The following CNTN5 variants were observed in gnomAD, a reference collection of about 807,000 sequenced individuals.
The protein encoded by CNTN5 is contactin 5, also known as contactin-5.
A neutral mutation model predicts 129.1 loss-of-function variants in CNTN5; 77 were observed. The observed-to-expected ratio is 0.60, with a 90% CI of 0.50 to 0.72. The LOEUF (loss-of-function observed/expected upper bound fraction) is 0.72. Ranked by LOEUF, CNTN5 falls within the 30% of genes least tolerant of loss-of-function variation. The pLI is 0.00. For synonymous variants in CNTN5, 509 were observed against 465.6 expected (o/e 1.09, Z -1.20); for missense variants, 1,478 against 1,328.8 (o/e 1.11, Z -1.75).
At chr11:99,843,081 A>C (rs1947567125) in intron 4 of CNTN5, among the ~76,000 whole-genome samples, 1 of 152,172 alleles carries the variant, frequency 6.6e-6, no homozygotes, top group Non-Finnish European at 1.5e-5. Flanking sequence ...AAATACAAAA[A>C]TTAGCTAGGC....
intron 3 of CNTN5, among the ~76,000 whole-genome samples, chr11:99,758,717 A>G (rs974583385): frequency 6.6e-6 from 1 of 152,082 alleles, no homozygotes; most frequent in Non-Finnish European, 1.5e-5. Context: ...AGCAGTAGAA[A>G]GTATATTGGG....
At chr11:99,479,861 A>G (rs1189435024) in intron 2 of CNTN5, among the ~76,000 whole-genome samples, 4 of 151,792 alleles carry the variant, frequency 2.6e-5, no homozygotes, top group African/African-American at 9.7e-5. Context: ...TGACACATTT[A>G]ATTTTCACAG....
At chr11:99,492,903 T>A (rs1044866585) in intron 2 of CNTN5, among the ~76,000 whole-genome samples, 2 of 152,218 alleles carry the variant, frequency 1.3e-5, no homozygotes, top group African/African-American at 2.4e-5. Context: ...CTTCTTGGCA[T>A]CTTTATGTCT....
chr11:99,748,733 AAG>A (rs1944139467), intron 3 of CNTN5, among the ~76,000 whole-genome samples: 1 of 152,176 alleles, frequency 6.6e-6, no homozygotes, highest in African/African-American at 2.4e-5. Flanking sequence ...CTAGCTCCAG[AAG>A]AAAGACTGAG....
At chr11:99,370,951 G>A (rs950375401) in intron 2 of CNTN5, among the ~76,000 whole-genome samples, 3 of 152,152 alleles carry the variant, frequency 2.0e-5, no homozygotes, top group East Asian at 1.9e-4. Context: ...CAGGGTATTC[G>A]TGGCACTTGA....
At chr11:99,402,595 A>G (rs1187759714) in intron 2 of CNTN5, among the ~76,000 whole-genome samples, 2 of 152,176 alleles carry the variant, frequency 1.3e-5, no homozygotes, top group Admixed American at 6.5e-5. Flanking sequence ...ATCGTAGAAT[A>G]CTTTTGAAGC....
intron 2 of CNTN5, among the ~76,000 whole-genome samples, chr11:99,413,617 TC>T (rs1459888089): frequency 2.8e-5 from 2 of 72,230 alleles, no homozygotes; most frequent in African/African-American, 1.3e-4. Context: ...GAACTCCATC[TC>T]AAAAAACAAA....
intron 7 of CNTN5, among the ~76,000 whole-genome samples, chr11:99,917,525 G>T (rs1457689706): frequency 6.6e-6 from 1 of 152,000 alleles, no homozygotes; most frequent in Admixed American, 6.6e-5. Context: ...TTGCAGAAAA[G>T]GGGAAAAGAA....
intron 2 of CNTN5, among the ~76,000 whole-genome samples, chr11:99,427,541 C>T (rs565677581): frequency 2.0e-5 from 3 of 151,676 alleles, no homozygotes; most frequent in African/African-American, 4.8e-5. Context: ...CCGAGGCGGG[C>T]GGATCATGAG....
At chr11:99,172,830 G>A (rs1182816681) in intron 1 of CNTN5, among the ~76,000 whole-genome samples, 2 of 152,190 alleles carry the variant, frequency 1.3e-5, no homozygotes, top group East Asian at 3.9e-4. Context: ...TTTCCATCAT[G>A]AGCCAAGGAG....
chr11:100,040,190 C>G (rs773102315), intron 9 of CNTN5, among the ~76,000 whole-genome samples: 13 of 152,290 alleles, frequency 8.5e-5, no homozygotes, highest in Non-Finnish European at 1.6e-4. Flanking sequence ...TTCTAACAGA[C>G]AGGACCTTCA....
At chr11:100,347,692 C>T (rs772900801) in intron 23 of CNTN5, among the ~76,000 whole-genome samples, 9 of 152,034 alleles carry the variant, frequency 5.9e-5, no homozygotes, top group Non-Finnish European at 1.3e-4. Context: ...GATACTGTGT[C>T]TCCCAACTTC....
chr11:99,835,852 G>T (rs973640655), intron 4 of CNTN5, among the ~76,000 whole-genome samples: 2 of 152,102 alleles, frequency 1.3e-5, no homozygotes, highest in African/African-American at 4.8e-5. Flanking sequence ...GCAATCAAGT[G>T]GTCTGAACTA....
At chr11:99,839,820 TCAAA>T (rs1008297984) in intron 4 of CNTN5, among the ~76,000 whole-genome samples, 15 of 151,624 alleles carry the variant, frequency 9.9e-5, no homozygotes, top group African/African-American at 3.4e-4. Context: ...CTCAACAAAG[TCAAA>T]CAAAAAAGAA....
intron 1 of CNTN5, among the ~76,000 whole-genome samples, chr11:99,286,490 G>T (rs140877600): frequency 3.3e-5 from 5 of 152,188 alleles, no homozygotes; most frequent in Admixed American, 1.3e-4. Context: ...TATTAGTTAT[G>T]GACTTAGTAG....
chr11:99,923,780 T>TATC (rs1949995109), intron 7 of CNTN5, among the ~76,000 whole-genome samples: 1 of 151,886 alleles, frequency 6.6e-6, no homozygotes, highest in Non-Finnish European at 1.5e-5. Context: ...TCTATCTATC[T>TATC]ATCTATCTAT....
intron 3 of CNTN5, among the ~76,000 whole-genome samples, chr11:99,781,370 C>A (rs1945304713): frequency 6.6e-6 from 1 of 151,964 alleles, no homozygotes; most frequent in African/African-American, 2.4e-5. Context: ...TGACTCAATG[C>A]ATTATTTAAG....
At chr11:100,291,786 T>A (rs1056670819) in intron 18 of CNTN5, among the ~76,000 whole-genome samples, 1 of 51,680 alleles carries the variant, frequency 1.9e-5, no homozygotes. Flanking sequence ...AATAAATAAA[T>A]AAAAAATATA....
chr11:99,289,778 T>C (rs1208192466), intron 1 of CNTN5, among the ~76,000 whole-genome samples: 12 of 151,792 alleles, frequency 7.9e-5, no homozygotes, highest in Admixed American at 7.9e-4. Context: ...TACCTGGCTA[T>C]GAATGATTTC....
Sources: gnomAD v4.1 joint callset for allele counts (sites outside exome capture counted in the v4.1 genomes callset) on GRCh38, gnomAD v4.1.1 for gene constraint, MANE v1.5 for transcripts, NCBI Gene and HGNC (gene_info 2026-07-23, HGNC 2026-07-21) for gene names.